TENM2: variants seen among roughly 807,000 people sequenced by gnomAD.
TENM2 encodes teneurin transmembrane protein 2, also known as teneurin-2.
In TENM2, 52 loss-of-function variants were observed where a neutral mutation model predicts 245.2. The observed-to-expected ratio is 0.21, with a 90% confidence interval of 0.17 to 0.27. The LOEUF (loss-of-function observed/expected upper bound fraction) is 0.27, where lower values mean the gene tolerates loss of function less well. TENM2 is among the 10% of genes least tolerant of loss of function. The pLI is 1.00. For missense variants in TENM2, 3,046 were observed against 3,666.8 expected (o/e 0.83, Z 4.37); for synonymous variants, 1,363 against 1,438.9 (o/e 0.95, Z 1.19).
At chr5:167,163,993 A>G in the TENM2 span, among the ~76,000 whole-genome samples, 1 of 152,184 alleles carries the variant, frequency 6.6e-6, no homozygotes. Flanking sequence ...CTGCAATTGC[A>G]CATCCACTGC....
At chr5:167,142,827 G>A in the TENM2 span, among the ~76,000 whole-genome samples, 2 of 152,214 alleles carry the variant, frequency 1.3e-5, no homozygotes, top group Non-Finnish European at 2.9e-5. Context: ...TGAGATTACA[G>A]GCATGAGCCA....
intron 3 of TENM2, among the ~76,000 whole-genome samples, chr5:167,908,766 G>A (rs1776318032): frequency 6.6e-6 from 1 of 150,796 alleles, no homozygotes; most frequent in African/African-American, 2.4e-5. Context: ...AATATGCCCT[G>A]AGGAAAGAGA....
the TENM2 span, among the ~76,000 whole-genome samples, chr5:167,202,822 C>G: frequency 4.6e-5 from 7 of 152,266 alleles, no homozygotes; most frequent in Non-Finnish European, 7.4e-5. Flanking sequence ...TGGCTTGCTC[C>G]CATTCCCTCT....
chr5:168,089,335 A>G (rs550778940), intron 7 of TENM2, among the ~76,000 whole-genome samples: 4 of 152,190 alleles, frequency 2.6e-5, no homozygotes, highest in African/African-American at 9.6e-5. Context: ...TTCTCCCTTT[A>G]GAATATCTCA....
intron 15 of TENM2, among the ~76,000 whole-genome samples, chr5:168,196,324 A>G (rs1278428239): frequency 1.3e-5 from 2 of 152,206 alleles, no homozygotes; most frequent in African/African-American, 2.4e-5. Flanking sequence ...AATCTTCAAT[A>G]TTCATGAAAT....
At chr5:167,076,534 G>A in the TENM2 span, among the ~76,000 whole-genome samples, 2 of 152,132 alleles carry the variant, frequency 1.3e-5, no homozygotes, top group Admixed American at 6.6e-5. Flanking sequence ...CTGCTGTGGC[G>A]TGATGTGTGG....
At chr5:167,207,871 A>G in the TENM2 span, among the ~76,000 whole-genome samples, 2 of 152,166 alleles carry the variant, frequency 1.3e-5, no homozygotes, top group African/African-American at 2.4e-5. Flanking sequence ...CTCCTGTCTC[A>G]GCCTCCCGAG....
At chr5:167,434,147 C>T (rs1038470886) in intron 2 of TENM2, among the ~76,000 whole-genome samples, 3 of 151,924 alleles carry the variant, frequency 2.0e-5, no homozygotes, top group East Asian at 1.9e-4. Flanking sequence ...TAGGGCTGGG[C>T]GCAGTGGCTC....
chr5:168,020,583 A>C (rs374942668), intron 5 of TENM2, among the ~76,000 whole-genome samples: 1 of 152,276 alleles, frequency 6.6e-6, no homozygotes, highest in Admixed American at 6.5e-5. Flanking sequence ...TCAGCAGCTT[A>C]GGTGGCAGAT....
chr5:167,967,374 A>G (rs1021827592), intron 4 of TENM2, among the ~76,000 whole-genome samples: 27 of 152,202 alleles, frequency 1.8e-4, no homozygotes, highest in Non-Finnish European at 8.8e-5. Context: ...GAAAATAAAT[A>G]AAGTGTTGTG....
At chr5:167,451,462 G>T (rs1765577974) in intron 2 of TENM2, among the ~76,000 whole-genome samples, 1 of 152,122 alleles carries the variant, frequency 6.6e-6, no homozygotes, top group East Asian at 1.9e-4. Context: ...ATCTTATCTG[G>T]GTGAAGGACC....
At chr5:167,042,406 C>T in the TENM2 span, among the ~76,000 whole-genome samples, 1 of 152,256 alleles carries the variant, frequency 6.6e-6, no homozygotes, top group African/African-American at 2.4e-5. Flanking sequence ...TCTCCTTCTG[C>T]AGCAAAATAC....
intron 2 of TENM2, among the ~76,000 whole-genome samples, chr5:167,388,196 G>T (rs540080892): frequency 4.6e-5 from 7 of 152,116 alleles, no homozygotes; most frequent in South Asian, 4.1e-4. Flanking sequence ...CTCACTTCTT[G>T]TTATTGGTCT....
At chr5:167,748,520 A>G (rs375048774) in intron 2 of TENM2, among the ~76,000 whole-genome samples, 1 of 152,218 alleles carries the variant, frequency 6.6e-6, no homozygotes, top group East Asian at 1.9e-4. Context: ...TTGGAACTAC[A>G]TGGGACTACA....
the TENM2 span, among the ~76,000 whole-genome samples, chr5:167,139,294 A>G: frequency 3.3e-5 from 5 of 152,356 alleles, no homozygotes; most frequent in Non-Finnish European, 5.9e-5. Context: ...TCACTGATAC[A>G]TAGAAGAAGG....
At chr5:167,889,967 G>A (rs535553955) in intron 3 of TENM2, among the ~76,000 whole-genome samples, 1 of 152,102 alleles carries the variant, frequency 6.6e-6, no homozygotes, top group East Asian at 1.9e-4. Flanking sequence ...ATTGCTGAAA[G>A]GGTTCAGAAG....
intron 3 of TENM2, among the ~76,000 whole-genome samples, chr5:167,949,388 G>A (rs1779897807): frequency 6.6e-6 from 1 of 152,174 alleles, no homozygotes; most frequent in African/African-American, 2.4e-5. Context: ...CTGTCAGTCT[G>A]TGACATCTGC....
the TENM2 span, among the ~76,000 whole-genome samples, chr5:167,202,889 T>A: frequency 1.3e-5 from 2 of 152,150 alleles, no homozygotes; most frequent in Non-Finnish European, 2.9e-5. Context: ...GACCTACACA[T>A]GAATCCTCCT....
intron 1 of TENM2, chr5:167,287,246 A>G (rs1000991672): frequency 4.6e-5 from 7 of 152,248 alleles, no homozygotes; most frequent in African/African-American, 1.7e-4. Context: ...CAAGCAGTAC[A>G]TTCAACTTGA....
Sources: allele counts gnomAD v4.1 joint callset (sites outside exome capture counted in the v4.1 genomes callset), GRCh38; gene constraint gnomAD v4.1.1; transcripts MANE v1.5; gene names NCBI Gene and HGNC (gene_info 2026-07-23, HGNC 2026-07-21).